RARB: variants seen among roughly 807,000 people sequenced by gnomAD.
The protein encoded by RARB is HBV-activated protein.
In RARB, 17 loss-of-function variants were observed where a neutral mutation model predicts 51.9. The observed-to-expected ratio is 0.33, with a 90% CI of 0.22 to 0.49. The LOEUF is 0.49. RARB is among the 20% of genes least tolerant of loss of function. RARB has a pLI of 0.99. For synonymous variants in RARB, 215 were observed against 195.4 expected, an observed-to-expected ratio of 1.10 and a Z score of -0.84; for missense variants, 369 against 550.8, an observed-to-expected ratio of 0.67 and a Z score of 3.30.
At chr3:24,867,968 C>G (rs184660847) in intron 2 of RARB, among the ~76,000 whole-genome samples, 4 of 152,058 alleles carry the variant, frequency 2.6e-5, no homozygotes, top group Admixed American at 1.3e-4. Context: ...ATAACAGATG[C>G]CCATATTGAA....
intron 5 of RARB, among the ~76,000 whole-genome samples, chr3:25,404,163 A>G (rs1431982445): frequency 6.6e-6 from 1 of 152,166 alleles, no homozygotes; most frequent in Non-Finnish European, 1.5e-5. Context: ...GTAGATTCTC[A>G]GGTTGCTTTA....
intron 2 of RARB, among the ~76,000 whole-genome samples, chr3:25,047,944 C>T (rs1053364488): frequency 1.3e-5 from 2 of 152,166 alleles, no homozygotes; most frequent in South Asian, 4.1e-4. Flanking sequence ...GTTTCTCCTA[C>T]ACAGTTCTCA....
rs547485206 is a variant in RARB, at chr3:25,578,292, A to G, written c.610-2254A>G. Reference sequence around the variant, plus strand: ...AAAACACCAGGTTATTTTGTGTTTTATTAACTGCCTCTTCCCTTCAGTTTG... The same window carrying G: ...AAAACACCAGGTTATTTTGTGTTTTGTTAACTGCCTCTTCCCTTCAGTTTG... On this transcript the variant is annotated intron_variant, in intron 4 of 7. Transcript: ENST00000330688. Among the ~76,000 whole-genome samples the G allele has an allele frequency of 2.6e-5, 4 of 152,348 alleles. 1 individual carries two copies. The East Asian group carries it at 5.8e-4, about 22-fold the overall frequency.
intron 2 of RARB, among the ~76,000 whole-genome samples, chr3:24,958,616 A>AG (rs1696074491): frequency 6.6e-6 from 1 of 152,176 alleles, no homozygotes; most frequent in African/African-American, 2.4e-5. Flanking sequence ...GCACATAATG[A>AG]GGGGTAAACC....
At chr3:24,889,200 G>A (rs1180795268) in intron 2 of RARB, among the ~76,000 whole-genome samples, 1 of 152,094 alleles carries the variant, frequency 6.6e-6, no homozygotes, top group Non-Finnish European at 1.5e-5. Flanking sequence ...TGCTTTTGCT[G>A]CTGATGGGAG....
chr3:24,958,335 C>T (rs1347143737), intron 2 of RARB, among the ~76,000 whole-genome samples: 2 of 125,516 alleles, frequency 1.6e-5, no homozygotes, highest in Admixed American at 1.0e-4. Context: ...ATAGTTTACT[C>T]AAAACTCATT....
chr3:25,428,674 A>G lies in RARB; in HGVS notation c.-58A>G, dbSNP rs1050702380. 2 of 1,549,984 alleles carry G rather than the reference A, an allele frequency of 1.3e-6. No individual in the cohort carries two copies. The highest frequency in any genetic ancestry group is 1.8e-6 in the Non-Finnish European group (2 of 1,137,510). ...GGAGTTGGGTGGACTTTTCTATGCCATTTGCCTCCACACCTAGAGGATAAG... is the reference window on the plus strand; with the variant it reads ...GGAGTTGGGTGGACTTTTCTATGCCGTTTGCCTCCACACCTAGAGGATAAG... On this transcript the variant is annotated 5_prime_UTR_variant, in exon 1 of 8. Transcript: ENST00000330688.
At chr3:24,957,668 G>A (rs1309749470) in intron 2 of RARB, among the ~76,000 whole-genome samples, 3 of 152,192 alleles carry the variant, frequency 2.0e-5, no homozygotes, top group African/African-American at 7.2e-5. Context: ...TTCAAGCAAA[G>A]TTCTTTGCCA....
chr3:25,103,831 T>A (rs963204699), intron 3 of RARB, among the ~76,000 whole-genome samples: 3 of 152,244 alleles, frequency 2.0e-5, no homozygotes, highest in African/African-American at 7.2e-5. Context: ...GCCTTTTTCA[T>A]TCTTTCTGTG....
At chr3:25,548,048 A>C (rs1699687650) in intron 3 of RARB, among the ~76,000 whole-genome samples, 1 of 151,626 alleles carries the variant, frequency 6.6e-6, no homozygotes, top group South Asian at 2.1e-4. Context: ...TGAGTGACAT[A>C]AATCTGTGCC....
intron 3 of RARB, among the ~76,000 whole-genome samples, chr3:25,090,596 G>A (rs577809036): frequency 1.3e-5 from 2 of 152,088 alleles, no homozygotes; most frequent in South Asian, 4.1e-4. Context: ...TGTAGCCTTG[G>A]GGAACGAAAT....
intron 2 of RARB, among the ~76,000 whole-genome samples, chr3:24,887,054 G>T (rs752183293): frequency 2.6e-5 from 4 of 152,148 alleles, no homozygotes; most frequent in African/African-American, 4.8e-5. Context: ...TTGAATTAAT[G>T]CCATAGAGGC....
intron 4 of RARB, among the ~76,000 whole-genome samples, chr3:25,573,672 G>T (rs1286740): frequency 2.0e-5 from 3 of 152,008 alleles, no homozygotes; most frequent in Non-Finnish European, 2.9e-5. Context: ...CTCTTAGTTC[G>T]GAGTTGAGCA....
chr3:25,112,158 C>T (rs1209386197), intron 3 of RARB, among the ~76,000 whole-genome samples: 2 of 152,134 alleles, frequency 1.3e-5, no homozygotes, highest in African/African-American at 2.4e-5. Context: ...CATTGAGTAG[C>T]TTAAATCAAG....
chr3:24,849,283 T>C (rs933064832), intron 1 of RARB, among the ~76,000 whole-genome samples: 2 of 152,264 alleles, frequency 1.3e-5, no homozygotes, highest in Admixed American at 6.5e-5. Flanking sequence ...TTCAGACCAT[T>C]GTTGCCCCTC....
intron 2 of RARB, among the ~76,000 whole-genome samples, chr3:25,033,857 C>T (rs78996941): frequency 0.014 from 2,064 of 152,294 alleles, 50 homozygotes; most frequent in African/African-American, 0.047. Context: ...CTTACATTAC[C>T]GACAAACGTA....
chr3:25,123,310 G>C (rs1431897281), intron 3 of RARB, among the ~76,000 whole-genome samples: 1 of 152,090 alleles, frequency 6.6e-6, no homozygotes, highest in African/African-American at 2.4e-5. Flanking sequence ...ATCTGTTTAG[G>C]GGTGGAATAG....
intron 5 of RARB, among the ~76,000 whole-genome samples, chr3:25,346,366 A>G (rs1433282328): frequency 6.6e-6 from 1 of 152,182 alleles, no homozygotes; most frequent in African/African-American, 2.4e-5. Flanking sequence ...TGTGTCTTTT[A>G]TAGTCATCAG....
At chr3:25,533,846 A>G (rs1421161829) in intron 3 of RARB, among the ~76,000 whole-genome samples, 6 of 152,254 alleles carry the variant, frequency 3.9e-5, no homozygotes, top group African/African-American at 1.4e-4. Flanking sequence ...CTCTTGGGCA[A>G]GAGTAAATGC....
Sources: allele counts gnomAD v4.1 joint callset (sites outside exome capture counted in the v4.1 genomes callset), GRCh38; gene constraint gnomAD v4.1.1; transcripts MANE v1.5; gene names NCBI Gene and HGNC (gene_info 2026-07-23, HGNC 2026-07-21).